ADAM22: variants seen among roughly 807,000 people sequenced by gnomAD.
The protein encoded by ADAM22 is ADAM metallopeptidase domain 22, also known as disintegrin and metalloproteinase domain-containing protein 22.
A neutral mutation model predicts 144.6 loss-of-function variants in ADAM22; 65 were observed. The observed-to-expected ratio is 0.45, with a 90% CI of 0.37 to 0.55. The LOEUF (loss-of-function observed/expected upper bound fraction) is 0.55, where lower values mean the gene tolerates loss of function less well. ADAM22 is among the 20% of genes least tolerant of loss of function. The pLI is 0.00. For synonymous variants in ADAM22, 391 were observed against 412.6 expected (o/e 0.95, Z 0.63); for missense variants, 974 against 1,184.9 (o/e 0.82, Z 2.61).
intron 3 of ADAM22, among the ~76,000 whole-genome samples, chr7:88,054,406 A>C (rs1289825012): frequency 1.3e-5 from 2 of 151,764 alleles, no homozygotes; most frequent in Non-Finnish European, 2.9e-5. Flanking sequence ...TTCTGTTGTT[A>C]TTATATTATT....
intron 1 of ADAM22, 36 bp from the exon 2 acceptor site, chr7:87,934,990 C>G (rs1250980551): frequency 1.2e-6 from 2 of 1,613,820 alleles, no homozygotes; most frequent in Admixed American, 3.3e-5. Flanking sequence ...TTCGCCTTTT[C>G]TCTCCACTCC....
At chr7:88,181,175 G>T (rs1210716055) in intron 27 of ADAM22, among the ~76,000 whole-genome samples, 1 of 152,092 alleles carries the variant, frequency 6.6e-6, no homozygotes, top group African/African-American at 2.4e-5. Flanking sequence ...TAACTCTGCT[G>T]CTGGGGTGAT....
intron 4 of ADAM22, among the ~76,000 whole-genome samples, chr7:88,107,864 T>C (rs1206818723): frequency 6.6e-6 from 1 of 152,094 alleles, no homozygotes; most frequent in African/African-American, 2.4e-5. Context: ...GCATTGAAAT[T>C]GTAGACATGA....
chr7:87,978,320 C>CT lies in ADAM22; in HGVS notation c.247-11dup. 1 of 1,602,488 alleles carries CT rather than the reference C, an allele frequency of 6.2e-7. No homozygotes were observed. Among genetic ancestry groups the CT allele is most frequent in the Non-Finnish European group, 8.5e-7 (1 of 1,174,404 alleles). ...GGCTGAGTAATAAATAACCTTTTTT[C>CT]TTTTTGATATTGTAGTTGACTCATG... On this transcript the variant is annotated splice_polypyrimidine_tract_variant and intron_variant, in intron 2 of 31. Coordinates refer to ENST00000413139, the MANE Select transcript of ADAM22 (RefSeq NM_001324418.2).
intron 3 of ADAM22, among the ~76,000 whole-genome samples, chr7:87,996,931 T>C (rs909680693): frequency 1.3e-5 from 2 of 152,198 alleles, no homozygotes; most frequent in Non-Finnish European, 2.9e-5. Flanking sequence ...AATGAGTTAA[T>C]GCATATGAAA....
At chr7:88,157,260 T>A (rs542935903) in intron 22 of ADAM22, among the ~76,000 whole-genome samples, 30 of 152,070 alleles carry the variant, frequency 2.0e-4, no homozygotes, top group Admixed American at 1.6e-3. Context: ...CTGAATACAA[T>A]GAGTGGAATT....
At chr7:88,070,498 C>T (rs889504444) in intron 3 of ADAM22, among the ~76,000 whole-genome samples, 2 of 152,188 alleles carry the variant, frequency 1.3e-5, no homozygotes, top group African/African-American at 4.8e-5. Flanking sequence ...TAGATCTTTG[C>T]TCTGAGGCTG....
intron 2 of ADAM22, among the ~76,000 whole-genome samples, chr7:87,942,116 A>G (rs1213922919): frequency 6.6e-6 from 1 of 152,168 alleles, no homozygotes; most frequent in Non-Finnish European, 1.5e-5. Context: ...ATAGATGTTC[A>G]TAAAAGTGGG....
At chr7:88,058,062 G>C (rs1323495414) in intron 3 of ADAM22, among the ~76,000 whole-genome samples, 1 of 152,180 alleles carries the variant, frequency 6.6e-6, no homozygotes, top group Non-Finnish European at 1.5e-5. Context: ...TAATGATAGT[G>C]AGGGTATAAT....
intron 17 of ADAM22, among the ~76,000 whole-genome samples, chr7:88,145,909 C>A (rs1020386190): frequency 1.1e-4 from 16 of 152,172 alleles, no homozygotes; most frequent in African/African-American, 2.9e-4. Flanking sequence ...TTCAGTAGAT[C>A]TTTTCTTGTT....
intron 3 of ADAM22, among the ~76,000 whole-genome samples, chr7:87,983,111 G>C (rs1253068050): frequency 6.6e-6 from 1 of 152,054 alleles, no homozygotes; most frequent in Non-Finnish European, 1.5e-5. Flanking sequence ...TTAATAGCTA[G>C]TATGGAAATA....
intron 9 of ADAM22, among the ~76,000 whole-genome samples, chr7:88,129,633 C>T (rs1411527858): frequency 1.3e-5 from 2 of 151,930 alleles, no homozygotes; most frequent in East Asian, 1.9e-4. Flanking sequence ...CATTTTAGAT[C>T]GTCACAAATT....
At position 88,135,267 on chromosome 7, in the gene ADAM22, G is replaced by C. The variant is rs538706622; in HGVS notation, c.1169-713G>C. On this transcript the variant is annotated intron_variant, in intron 13 of 31. Coordinates refer to ENST00000413139, the MANE Select transcript of ADAM22 (RefSeq NM_001324418.2). ...CACTTCAGCCTGGGCCACAGAGCGA[G>C]ACTCCATCTCAAAAAAAAAAAAAAA... Among the ~76,000 whole-genome samples, 17 of 104,278 alleles carry C rather than the reference G, an allele frequency of 1.6e-4. No individual in the cohort carries two copies. In the East Asian group the frequency reaches 4.5e-3, roughly 28 times the overall value. The allele number at this position is 104,278 out of a possible 152,430, so 68.4% of individuals were successfully genotyped here.
chr7:88,060,038 A>G (rs1213977574), intron 3 of ADAM22, among the ~76,000 whole-genome samples: 1 of 152,226 alleles, frequency 6.6e-6, no homozygotes, highest in African/African-American at 2.4e-5. Context: ...ACACTATATT[A>G]TAGTCTAGTA....
At position 88,153,204 on chromosome 7, in the gene ADAM22, A is replaced by G. The variant is rs962288946; in HGVS notation, c.1682-17A>G. ...ATCGTACTTCCCTCACTGATAGAAAATTTTTTTCTGCCTTAGAGGTGACAG... is the reference window on the plus strand; with the variant it reads ...ATCGTACTTCCCTCACTGATAGAAAGTTTTTTTCTGCCTTAGAGGTGACAG... On this transcript the variant is annotated splice_polypyrimidine_tract_variant and intron_variant, in intron 20 of 31. Transcript: ENST00000413139. The G allele has an allele frequency of 1.3e-6, 2 of 1,596,716 alleles. No homozygotes were observed.
At chr7:88,134,622 A>G (rs1336955289) in intron 13 of ADAM22, among the ~76,000 whole-genome samples, 1 of 152,222 alleles carries the variant, frequency 6.6e-6, no homozygotes. Context: ...CTATGACTAT[A>G]ATAAACTTTA....
intron 3 of ADAM22, among the ~76,000 whole-genome samples, chr7:88,030,006 T>C (rs1435764220): frequency 6.6e-6 from 1 of 152,162 alleles, no homozygotes; most frequent in African/African-American, 2.4e-5. Context: ...AGTATTGATA[T>C]CTTTCTCTAG....
At chr7:88,163,222 C>T (rs1300763475) in intron 23 of ADAM22, 42 bp downstream of exon 23, 16 of 1,496,206 alleles carry the variant, frequency 1.1e-5, no homozygotes, top group South Asian at 1.3e-5. Flanking sequence ...TCTTTTATAT[C>T]ACAGAAATAG....
Position 88,038,580 on chromosome 7 carries a change from G to A in ADAM22, c.324-37046G>A, listed in dbSNP as rs560504432. On this transcript the variant is annotated intron_variant, in intron 3 of 31. Coordinates refer to ENST00000413139, the MANE Select transcript of ADAM22 (RefSeq NM_001324418.2). ...CGCCATTCTCCTGCCTCAGCCTCCC[G>A]TGTAGCTGGGACTACAGGCGCGCAC... Among the ~76,000 whole-genome samples, 455 of 151,002 alleles carry A rather than the reference G, an allele frequency of 3.0e-3. 1 individual carries two copies. Among genetic ancestry groups the A allele is most frequent in the African/African-American group, 0.011 (434 of 41,094 alleles).
Sources: gnomAD v4.1 joint callset for allele counts (sites outside exome capture counted in the v4.1 genomes callset) on GRCh38, gnomAD v4.1.1 for gene constraint, MANE v1.5 for transcripts, NCBI Gene and HGNC (gene_info 2026-07-23, HGNC 2026-07-21) for gene names.